The following GFRA2 variants were observed in gnomAD, a reference collection of about 807,000 sequenced individuals.
GFRA2 encodes the protein GDNF family receptor alpha-2.
A neutral mutation model predicts 48.3 loss-of-function variants in GFRA2; 17 were observed. The ratio of observed to expected loss-of-function variants is 0.35; its 90% CI spans 0.24 to 0.53. The LOEUF (loss-of-function observed/expected upper bound fraction) is 0.53. GFRA2 is among the 20% of genes least tolerant of loss of function. The probability of loss-of-function intolerance (pLI) is 0.93; values close to 1 mark genes in which losing one functional copy is unlikely to be tolerated. For synonymous variants in GFRA2, 305 were observed against 257.2 expected, an observed-to-expected ratio of 1.19 and a Z score of -1.78; for missense variants, 660 against 637.3, an observed-to-expected ratio of 1.04 and a Z score of -0.38.
intron 2 of GFRA2, among the ~76,000 whole-genome samples, chr8:21,801,514 A>G (rs1800429732): frequency 6.6e-6 from 1 of 152,112 alleles, no homozygotes; most frequent in Admixed American, 6.5e-5. Flanking sequence ...GGGCAGGAAG[A>G]GAACCCAGCA....
chr8:21,738,369 A>C (rs577908824), intron 4 of GFRA2, among the ~76,000 whole-genome samples: 7 of 151,590 alleles, frequency 4.6e-5, no homozygotes, highest in African/African-American at 1.7e-4. Flanking sequence ...GTCTCTGAGC[A>C]CGTACCGTCT....
intron 7 of GFRA2, among the ~76,000 whole-genome samples, chr8:21,696,635 G>C (rs1802190480): frequency 6.6e-6 from 1 of 152,158 alleles, no homozygotes; most frequent in South Asian, 2.1e-4. Context: ...CTGGGAGCTT[G>C]GCCAGGTGTG....
intron 7 of GFRA2, among the ~76,000 whole-genome samples, chr8:21,698,471 C>T (rs1026887469): frequency 2.0e-5 from 3 of 152,194 alleles, no homozygotes; most frequent in Non-Finnish European, 4.4e-5. Flanking sequence ...AAGCGCAGGC[C>T]GGCATTCCCA....
chr8:21,788,031 T>TCCCCCCCCCCC, intron 1 of GFRA2, 89 bp downstream of exon 1: 1 of 432,236 alleles, frequency 2.3e-6, no homozygotes, highest in Non-Finnish European at 3.8e-6. Flanking sequence ...CCCGCCGACC[T>TCCCCCCCCCCC]CCCGCCAGCC....
chr8:21,799,327 C>G (rs1325727489), intron 2 of GFRA2, among the ~76,000 whole-genome samples: 5 of 151,974 alleles, frequency 3.3e-5, no homozygotes, highest in African/African-American at 1.2e-4. Context: ...ACGCCATTCT[C>G]CTGTCTCAGC....
intron 4 of GFRA2, among the ~76,000 whole-genome samples, chr8:21,711,026 A>T (rs987626204): frequency 6.6e-6 from 1 of 152,130 alleles, no homozygotes; most frequent in Admixed American, 6.5e-5. Context: ...AATTTCCTTG[A>T]AGCCCTGGAC....
chr8:21,788,793 T>C lies in GFRA2; in HGVS notation c.-634A>G. Reference sequence around the variant, plus strand: ...AATGGAATTCCAGTGACCGTGTGTCTCTGCGTGCGTGTGTCTTTCTCTCTC... The same window carrying C: ...AATGGAATTCCAGTGACCGTGTGTCCCTGCGTGCGTGTGTCTTTCTCTCTC... On this transcript the variant is annotated 5_prime_UTR_variant, in exon 1 of 9. Coordinates refer to ENST00000524240, the MANE Select transcript of GFRA2 (RefSeq NM_001495.5). The C allele has an allele frequency of 1.0e-6, 1 of 985,482 alleles. No individual in the cohort carries two copies. Among genetic ancestry groups the C allele is most frequent in the Non-Finnish European group, 1.2e-6 (1 of 829,972 alleles). 61.0% of individuals were successfully genotyped at this position (985,482 alleles called of 1,614,324 possible).
intron 4 of GFRA2, among the ~76,000 whole-genome samples, chr8:21,741,479 A>G (rs1452784058): frequency 1.3e-5 from 2 of 151,824 alleles, no homozygotes; most frequent in Non-Finnish European, 2.9e-5. Flanking sequence ...CATTATCTAG[A>G]TGCTTGTCTG....
intron 7 of GFRA2, among the ~76,000 whole-genome samples, chr8:21,701,631 T>C (rs1257192559): frequency 1.3e-5 from 2 of 152,108 alleles, no homozygotes; most frequent in East Asian, 3.9e-4. Context: ...TTGTAACGCC[T>C]AACATTCGTG....
intron 4 of GFRA2, among the ~76,000 whole-genome samples, chr8:21,734,849 C>T (rs189822281): frequency 6.6e-6 from 1 of 152,164 alleles, no homozygotes; most frequent in African/African-American, 2.4e-5. Flanking sequence ...ATATCTTGGC[C>T]TCCAAAATCA....
chr8:21,792,072 T>C (rs948654198), upstream of GFRA2, among the ~76,000 whole-genome samples: 2 of 152,108 alleles, frequency 1.3e-5, no homozygotes, highest in Admixed American at 1.3e-4. Context: ...AGAGTCCAAA[T>C]CTGCATGGGG....
In GFRA2 at chr8:21,782,692, T is replaced by C; in HGVS notation, c.248A>G (p.Glu83Gly). 6.3e-7 allele frequency: 1 copy of C among 1,592,140 alleles called. No homozygotes were observed. ...LANKECQAALEVLQESPLYDC... is the reference protein window; with the variant it reads ...LANKECQAALGVLQESPLYDC... ...GTACAGCGGGCTCTCCTGCAAGACC[T>C]CCAAGGCCGCCTGGCACTCCTTGTT... The change falls in exon 2 of 9, where the codon GAG becomes GGG. Residue 83 changes from glutamate to glycine, a missense_variant. Transcript: ENST00000524240.
intron 2 of GFRA2, among the ~76,000 whole-genome samples, chr8:21,800,626 A>G (rs1253557453): frequency 6.6e-6 from 1 of 152,180 alleles, no homozygotes; most frequent in Non-Finnish European, 1.5e-5. Context: ...CAGCCATACC[A>G]TAAGAGTTCA....
intron 4 of GFRA2, among the ~76,000 whole-genome samples, chr8:21,717,401 A>G (rs1803386083): frequency 6.6e-6 from 1 of 152,242 alleles, no homozygotes; most frequent in Non-Finnish European, 1.5e-5. Context: ...AGGAGACAAT[A>G]GAGTTTATGC....
At chr8:21,811,985 T>G (rs1199409028) in intron 1 of GFRA2, among the ~76,000 whole-genome samples, 2 of 152,140 alleles carry the variant, frequency 1.3e-5, no homozygotes, top group Non-Finnish European at 2.9e-5. Context: ...AAAATCAAGA[T>G]TGGCAACTCT....
chr8:21,811,232 C>G (rs940189660), intron 1 of GFRA2, among the ~76,000 whole-genome samples: 4 of 152,154 alleles, frequency 2.6e-5, no homozygotes, highest in African/African-American at 9.6e-5. Context: ...TCCCCTGGAA[C>G]AGAAGCAGGA....
intron 4 of GFRA2, among the ~76,000 whole-genome samples, chr8:21,743,908 G>A (rs1042354269): frequency 1.3e-5 from 2 of 152,136 alleles, no homozygotes; most frequent in Non-Finnish European, 2.9e-5. Flanking sequence ...TCTAATGAAG[G>A]CAACAAATTT....
chr8:21,755,404 A>C (rs1369708615), intron 3 of GFRA2, among the ~76,000 whole-genome samples: 1 of 152,164 alleles, frequency 6.6e-6, no homozygotes, highest in Non-Finnish European at 1.5e-5. Flanking sequence ...CTTTTACTAC[A>C]AAAATGGAGG....
Position 21,774,960 on chromosome 8 carries a change from G to A in GFRA2, c.439+12C>T, listed in dbSNP as rs1292425072. 47 of 1,500,800 alleles carry A rather than the reference G, an allele frequency of 3.1e-5. 1 individual carries two copies. Among genetic ancestry groups the A allele is most frequent in the Middle Eastern group, 3.4e-4 (2 of 5,858 alleles). 93.0% of individuals were successfully genotyped at this position (1,500,800 alleles called of 1,614,324 possible). A position where few individuals can be genotyped will look rare whatever the true frequency, so the allele number is the denominator to read the frequency against. ...AGGAGAACGGGCCAAGTCCCAGTGC[G>A]AGCTCACTTACCTGAGAAGATTGAA... On this transcript the variant is annotated intron_variant, in intron 3 of 8. Transcript: ENST00000524240.
Sources: gnomAD v4.1 joint callset for allele counts (sites outside exome capture counted in the v4.1 genomes callset) on GRCh38, gnomAD v4.1.1 for gene constraint, MANE v1.5 for transcripts, NCBI Gene and HGNC (gene_info 2026-07-23, HGNC 2026-07-21) for gene names.